Variants in CADM1 observed in about 807,000 individuals in gnomAD.
CADM1 encodes TSLC-1.
CADM1 carries 15 observed loss-of-function variants against 53.1 expected under a neutral mutation model. The observed-to-expected ratio is 0.28, with a 90% confidence interval of 0.19 to 0.44. The LOEUF (loss-of-function observed/expected upper bound fraction) is 0.44. CADM1 is among the 20% of genes least tolerant of loss of function. The pLI is 1.00. For synonymous variants in CADM1, 281 were observed against 243.0 expected, an observed-to-expected ratio of 1.16 and a Z score of -1.45; for missense variants, 434 against 611.3, an observed-to-expected ratio of 0.71 and a Z score of 3.06.
intron 5 of CADM1, among the ~76,000 whole-genome samples, chr11:115,226,046 T>C (rs1443073066): frequency 6.6e-6 from 1 of 152,168 alleles, no homozygotes; most frequent in African/African-American, 2.4e-5. Flanking sequence ...CTGAGGTCCA[T>C]GAATGGGATC....
intron 1 of CADM1, among the ~76,000 whole-genome samples, chr11:115,327,406 T>C (rs10488711): frequency 0.17 from 25,717 of 152,190 alleles, 2,766 homozygotes; most frequent in African/African-American, 0.29. Flanking sequence ...CTAATACCTG[T>C]TTATTTTAAA....
intron 1 of CADM1, among the ~76,000 whole-genome samples, chr11:115,379,388 T>G (rs1591762233): frequency 6.6e-6 from 1 of 152,232 alleles, no homozygotes; most frequent in East Asian, 1.9e-4. Flanking sequence ...AAGGTTGGGT[T>G]GAGGAAAACA....
At chr11:115,424,143 G>A (rs1947828735) in intron 1 of CADM1, among the ~76,000 whole-genome samples, 1 of 152,210 alleles carries the variant, frequency 6.6e-6, no homozygotes, top group East Asian at 1.9e-4. Context: ...GAGCAGAGCT[G>A]ATTACCTGGG....
Position 115,368,110 on chromosome 11 carries a change from CTTTTTTTTTTT to C in CADM1, c.125-127701_125-127691del, listed in dbSNP as rs58589028. Among the ~76,000 whole-genome samples the C allele has an allele frequency of 4.2e-4, 26 of 61,878 alleles. No homozygotes were observed. The East Asian group carries it at 4.6e-3, about 11-fold the overall frequency. The allele number at this position is 61,878 out of a possible 152,430, so 40.6% of individuals were successfully genotyped here. ...AAAATGTCTTTATTATCACTAGAGT[CTTTTTTTTTTT>C]TTTTTTTTTTTTTTTTTTACTTTCC... On this transcript the variant is annotated intron_variant, in intron 1 of 11. Coordinates refer to ENST00000331581, the MANE Select transcript of CADM1 (RefSeq NM_001301043.2).
chr11:115,484,073 G>A (rs1949315381), intron 1 of CADM1, among the ~76,000 whole-genome samples: 1 of 152,166 alleles, frequency 6.6e-6, no homozygotes, highest in Non-Finnish European at 1.5e-5. Context: ...ACAAGGATGT[G>A]TCCTTTACAT....
intron 1 of CADM1, among the ~76,000 whole-genome samples, chr11:115,295,549 T>TA (rs66617340): frequency 5.8e-5 from 3 of 51,778 alleles, no homozygotes; most frequent in Admixed American, 2.2e-4. Context: ...TATATATATA[T>TA]AATATATATG....
chr11:115,373,020 C>A (rs1946346996), intron 1 of CADM1, among the ~76,000 whole-genome samples: 1 of 152,186 alleles, frequency 6.6e-6, no homozygotes, highest in Admixed American at 6.5e-5. Flanking sequence ...ATAAATTGCT[C>A]TGATATTTTA....
At position 115,328,483 on chromosome 11, in the gene CADM1, GTGCCTACCA is replaced by G. The variant is rs1945017913; in HGVS notation, c.125-88072_125-88064del. ...CATTCCTTCAACAAGTATTTCTTTA[GTGCCTACCA>G]TGCACCATGACAGGTGAATCACATA... is the stretch of plus-strand genomic sequence containing the variant. On this transcript the variant is annotated intron_variant, in intron 1 of 11. Coordinates refer to ENST00000331581, the MANE Select transcript of CADM1 (RefSeq NM_001301043.2). Among the ~76,000 whole-genome samples, 7 of 151,060 alleles carry G rather than the reference GTGCCTACCA, an allele frequency of 4.6e-5. No individual in the cohort carries two copies. In the Admixed American group the frequency reaches 4.6e-4, roughly 10 times the overall value.
intron 1 of CADM1, among the ~76,000 whole-genome samples, chr11:115,253,422 C>T (rs1331612143): frequency 6.6e-6 from 1 of 152,146 alleles, no homozygotes; most frequent in Non-Finnish European, 1.5e-5. Flanking sequence ...CTAACCTTCA[C>T]TAAGTGGTGT....
At chr11:115,424,693 A>AT (rs1947843659) in intron 1 of CADM1, among the ~76,000 whole-genome samples, 1 of 151,932 alleles carries the variant, frequency 6.6e-6, no homozygotes, top group Admixed American at 6.6e-5. Context: ...TGCCCAGCTA[A>AT]TTTTTGCATT....
chr11:115,319,335 G>A (rs1944760821), intron 1 of CADM1, among the ~76,000 whole-genome samples: 1 of 152,046 alleles, frequency 6.6e-6, no homozygotes, highest in Non-Finnish European at 1.5e-5. Context: ...CTCCATCTTG[G>A]ACCATGAGAT....
chr11:115,271,277 T>TTTG (rs140375460), intron 1 of CADM1, among the ~76,000 whole-genome samples: 4,557 of 151,942 alleles, frequency 0.03, 98 homozygotes, highest in Non-Finnish European at 0.047. Flanking sequence ...TTGTTGTTGT[T>TTTG]TTGTTGTTGT....
chr11:115,342,579 T>G (rs2135248907), intron 1 of CADM1, among the ~76,000 whole-genome samples: 1 of 152,272 alleles, frequency 6.6e-6, no homozygotes, highest in Admixed American at 6.5e-5. Context: ...GCCAAGGATA[T>G]GCTTCACTAT....
chr11:115,261,319 C>A (rs967183983), intron 1 of CADM1, among the ~76,000 whole-genome samples: 7 of 152,200 alleles, frequency 4.6e-5, no homozygotes, highest in African/African-American at 1.7e-4. Context: ...GTTACTGAAC[C>A]CATACATTAA....
intron 1 of CADM1, among the ~76,000 whole-genome samples, chr11:115,262,792 G>A (rs965406938): frequency 2.0e-5 from 3 of 151,408 alleles, no homozygotes; most frequent in African/African-American, 7.3e-5. Context: ...CCCTTGATGG[G>A]TCTTTTTTTT....
intron 1 of CADM1, among the ~76,000 whole-genome samples, chr11:115,403,794 A>T (rs1281401122): frequency 6.6e-6 from 1 of 151,348 alleles, no homozygotes; most frequent in Non-Finnish European, 1.5e-5. Context: ...ACAGGGTTTC[A>T]CCATGTTGGC....
intron 5 of CADM1, among the ~76,000 whole-genome samples, chr11:115,221,155 A>G (rs940844066): frequency 6.6e-6 from 1 of 152,230 alleles, no homozygotes; most frequent in African/African-American, 2.4e-5. Context: ...CCAGAAATGT[A>G]TCACTCAGAA....
intron 1 of CADM1, among the ~76,000 whole-genome samples, chr11:115,491,495 C>T (rs1031010732): frequency 1.5e-4 from 22 of 151,462 alleles, no homozygotes; most frequent in Non-Finnish European, 2.2e-4. Context: ...AACCTGGCGG[C>T]GGGGAGCCTG....
chr11:115,271,672 T>C (rs915911131), intron 1 of CADM1, among the ~76,000 whole-genome samples: 39 of 152,250 alleles, frequency 2.6e-4, no homozygotes, highest in African/African-American at 9.2e-4. Flanking sequence ...CAATCTTTTC[T>C]ATTCCAAGAA....
Sources: gnomAD v4.1 joint callset for allele counts (sites outside exome capture counted in the v4.1 genomes callset) on GRCh38, gnomAD v4.1.1 for gene constraint, MANE v1.5 for transcripts, NCBI Gene and HGNC (gene_info 2026-07-23, HGNC 2026-07-21) for gene names.